Variants in PCCA observed in about 807,000 individuals in gnomAD.
PCCA encodes the protein propionyl-CoA carboxylase alpha chain, mitochondrial.
A neutral mutation model predicts 101.3 loss-of-function variants in PCCA; 74 were observed. That is an observed-to-expected ratio of 0.73 (90% confidence interval 0.61 to 0.89). The LOEUF (loss-of-function observed/expected upper bound fraction) is 0.89, where lower values mean the gene tolerates loss of function less well. Ranked by LOEUF, PCCA falls within the 40% of genes least tolerant of loss-of-function variation. PCCA has a pLI of 0.00. For synonymous variants in PCCA, 294 were observed against 313.6 expected (o/e 0.94, Z 0.66); for missense variants, 891 against 907.0 (o/e 0.98, Z 0.23).
intron 4 of PCCA, among the ~76,000 whole-genome samples, chr13:100,136,027 C>T (rs1477941476): frequency 2.0e-5 from 3 of 151,866 alleles, no homozygotes; most frequent in Non-Finnish European, 4.4e-5. Context: ...CTGGATTGGA[C>T]TTCTTAATTT....
chr13:100,360,314 G>T (rs1050840867), intron 18 of PCCA, among the ~76,000 whole-genome samples: 2 of 152,058 alleles, frequency 1.3e-5, no homozygotes, highest in African/African-American at 2.4e-5. Context: ...ATGAGATTTA[G>T]GTGGGGACAC....
Position 100,255,501 on chromosome 13 carries a change from T to C in PCCA, c.638-2094T>C, listed in dbSNP as rs143676897. Among the ~76,000 whole-genome samples the C allele has an allele frequency of 2.3e-3, 356 of 152,314 alleles. 1 individual carries two copies. The highest frequency in any genetic ancestry group is 8.2e-3 in the African/African-American group (342 of 41,586). On this transcript the variant is annotated intron_variant, in intron 8 of 23. Transcript: ENST00000376285. Reference sequence around the variant, plus strand: ...GAGGGAACTGAATGTAGTGGAGATGTGGGCTGTCTCTCAGCTCTTGTGGCT... The same window carrying C: ...GAGGGAACTGAATGTAGTGGAGATGCGGGCTGTCTCTCAGCTCTTGTGGCT...
chr13:100,368,479 G>T lies in PCCA; in HGVS notation c.1651G>T (p.Val551Phe), dbSNP rs61749895. Reference sequence around the variant, plus strand: ...CTTTTCATTCTACTTCAGAATGCCTGTTATTAAACCAGACATAGCCAACTG... The same window carrying T: ...CTTTTCATTCTACTTCAGAATGCCTTTTATTAAACCAGACATAGCCAACTG... The part of the protein sequence containing the change: ...QHFQENSRMP[V>F]IKPDIANWEL... Residue 551 changes from valine to phenylalanine, a missense_variant, in exon 19 of 24, where the codon GTT (valine) becomes TTT (phenylalanine). Physicochemically the swap from Val to Phe is conservative, Grantham distance 50. Coordinates refer to ENST00000376285, the MANE Select transcript of PCCA (RefSeq NM_000282.4). 13,540 of 1,565,676 alleles carry T rather than the reference G, an allele frequency of 8.6e-3. 74 individuals carry two copies. The highest frequency in any genetic ancestry group is 0.036 in the Middle Eastern group (217 of 5,948).
At chr13:100,325,352 G>C (rs187465094) in intron 16 of PCCA, among the ~76,000 whole-genome samples, 7 of 152,282 alleles carry the variant, frequency 4.6e-5, no homozygotes, top group Admixed American at 3.3e-4. Flanking sequence ...AGAATGTATT[G>C]CCAACCAAGG....
intron 4 of PCCA, among the ~76,000 whole-genome samples, chr13:100,134,800 T>C (rs2050954541): frequency 6.6e-6 from 1 of 152,102 alleles, no homozygotes; most frequent in South Asian, 2.1e-4. Flanking sequence ...GCAGTTCTCT[T>C]GCTTTGGGAT....
chr13:100,274,450 A>C (rs1191275516), intron 12 of PCCA, among the ~76,000 whole-genome samples: 1 of 152,178 alleles, frequency 6.6e-6, no homozygotes, highest in African/African-American at 2.4e-5. Context: ...ACCATAACAA[A>C]TGATCATTAA....
At chr13:100,452,965 A>T (rs750545732) in intron 21 of PCCA, among the ~76,000 whole-genome samples, 2 of 152,146 alleles carry the variant, frequency 1.3e-5, no homozygotes, top group Non-Finnish European at 2.9e-5. Flanking sequence ...GCCCTTTGGG[A>T]GGCTGAGGTA....
At chr13:100,259,194 A>C (rs1171869045) in intron 9 of PCCA, among the ~76,000 whole-genome samples, 1 of 152,082 alleles carries the variant, frequency 6.6e-6, no homozygotes, top group Admixed American at 6.6e-5. Flanking sequence ...TGGTAGCTTA[A>C]TTACTTTATT....
At chr13:100,091,440 TTA>T (rs932667973) in intron 1 of PCCA, among the ~76,000 whole-genome samples, 1 of 152,208 alleles carries the variant, frequency 6.6e-6, no homozygotes, top group Non-Finnish European at 1.5e-5. Context: ...TAGAGTAGCA[TTA>T]TGTTTGTGCC....
At chr13:100,094,679 C>T (rs577974345) in intron 1 of PCCA, among the ~76,000 whole-genome samples, 109 of 152,292 alleles carry the variant, frequency 7.2e-4, no homozygotes, top group African/African-American at 2.5e-3. Context: ...CCTCCGCCTC[C>T]GGGGTTCAAG....
At chr13:100,102,559 G>C (rs2047371742) in intron 1 of PCCA, among the ~76,000 whole-genome samples, 1 of 152,196 alleles carries the variant, frequency 6.6e-6, no homozygotes, top group African/African-American at 2.4e-5. Flanking sequence ...GTTTTTAAAA[G>C]TTCTGTGTGG....
At chr13:100,228,441 T>G (rs193068017) in intron 7 of PCCA, among the ~76,000 whole-genome samples, 3 of 152,342 alleles carry the variant, frequency 2.0e-5, no homozygotes, top group Admixed American at 1.3e-4. Flanking sequence ...CCCTTTCATA[T>G]TTTCATGTAT....
chr13:100,360,940 C>A (rs547591641), intron 18 of PCCA, among the ~76,000 whole-genome samples: 2 of 151,986 alleles, frequency 1.3e-5, no homozygotes, highest in Non-Finnish European at 2.9e-5. Context: ...CTGGTATGTC[C>A]GTACAATGGA....
At chr13:100,373,909 C>T (rs1224068525) in intron 19 of PCCA, among the ~76,000 whole-genome samples, 1 of 151,940 alleles carries the variant, frequency 6.6e-6, no homozygotes, top group Non-Finnish European at 1.5e-5. Context: ...GTCAGGAGTT[C>T]GAGACCAGCC....
At chr13:100,411,517 A>T (rs1223280676) in intron 19 of PCCA, among the ~76,000 whole-genome samples, 1 of 152,202 alleles carries the variant, frequency 6.6e-6, no homozygotes, top group Non-Finnish European at 1.5e-5. Flanking sequence ...AAGAGGAAAC[A>T]TTTTCCCAAA....
intron 8 of PCCA, among the ~76,000 whole-genome samples, chr13:100,247,043 G>A (rs2152540169): frequency 6.6e-6 from 1 of 151,042 alleles, no homozygotes; most frequent in East Asian, 2.0e-4. Context: ...TGAGTAGCTG[G>A]GATTACAGGC....
chr13:100,527,679 C>T lies in PCCA; in HGVS notation c.2045C>T (p.Ala682Val). ...AVSVKPGDAV[A>V]EGQEICVIEA... ...CTGCCCATTTTTGTTTTCCAGGTAG[C>T]AGAAGGTCAAGAAATTTGTGTGATT... is the stretch of plus-strand genomic sequence containing the variant. The change falls in exon 23 of 24, where the codon GCA (alanine) becomes GTA (valine). Residue 682 changes from alanine to valine, a missense_variant. Ala to Val is a moderately conservative substitution (Grantham distance 64). Coordinates refer to ENST00000376285, the MANE Select transcript of PCCA (RefSeq NM_000282.4). 1.9e-6 allele frequency: 3 copies of T among 1,612,776 alleles called. No individual in the cohort carries two copies. Among genetic ancestry groups the T allele is most frequent in the Non-Finnish European group, 2.5e-6 (3 of 1,178,818 alleles).
intron 21 of PCCA, among the ~76,000 whole-genome samples, chr13:100,486,905 C>A (rs1408418551): frequency 6.6e-6 from 1 of 152,130 alleles, no homozygotes; most frequent in Non-Finnish European, 1.5e-5. Flanking sequence ...GGTGACAGAG[C>A]AGAGAGACTC....
chr13:100,417,614 C>G (rs540306530), intron 19 of PCCA, among the ~76,000 whole-genome samples: 10 of 152,000 alleles, frequency 6.6e-5, no homozygotes, highest in Non-Finnish European at 2.9e-5. Context: ...TTGGTGGAGA[C>G]GGAGAGAATT....
Sources: gnomAD v4.1 joint callset for allele counts (sites outside exome capture counted in the v4.1 genomes callset) on GRCh38, gnomAD v4.1.1 for gene constraint, MANE v1.5 for transcripts, NCBI Gene and HGNC (gene_info 2026-07-23, HGNC 2026-07-21) for gene names.